The following FOXP1 variants were observed in gnomAD, a reference collection of about 807,000 sequenced individuals.
The protein encoded by FOXP1 is forkhead box P1, also known as forkhead box protein P1.
Under a neutral mutation model 98.2 loss-of-function variants are expected in FOXP1, and 15 were observed. The ratio of observed to expected loss-of-function variants is 0.15; its 90% CI spans 0.10 to 0.24. FOXP1 has a LOEUF of 0.24. FOXP1 is among the 10% of genes least tolerant of loss of function. The probability of loss-of-function intolerance (pLI) is 1.00; values close to 1 mark genes in which losing one functional copy is unlikely to be tolerated. For missense variants in FOXP1, 633 were observed against 848.5 expected, an observed-to-expected ratio of 0.75 and a Z score of 3.15; for synonymous variants, 371 against 314.5, an observed-to-expected ratio of 1.18 and a Z score of -1.90.
Position 71,413,727 on chromosome 3 carries a change from T to C in FOXP1, c.-167-54483A>G, listed in dbSNP as rs1425347873. On this transcript the variant is annotated intron_variant, in intron 3 of 20. Coordinates refer to ENST00000649528, the MANE Select transcript of FOXP1 (RefSeq NM_001349338.3). Reference sequence around the variant, plus strand: ...GAAAAAGACAAACTACCAAACAGCATGTACGGTATGACCTCATTTTGAAAA... The same window carrying C: ...GAAAAAGACAAACTACCAAACAGCACGTACGGTATGACCTCATTTTGAAAA... 3.3e-5 allele frequency among the ~76,000 whole-genome samples: 5 copies of C among 152,264 alleles called. No individual in the cohort carries two copies. In the East Asian group the frequency reaches 9.7e-4, roughly 29 times the overall value.
At chr3:71,490,263 C>T (rs931561309) in intron 3 of FOXP1, among the ~76,000 whole-genome samples, 1 of 152,008 alleles carries the variant, frequency 6.6e-6, no homozygotes, top group African/African-American at 2.4e-5. Context: ...TTGGGAGGCT[C>T]AGGTGGACAG....
chr3:71,014,109 C>T (rs2107725124), intron 12 of FOXP1, among the ~76,000 whole-genome samples: 1 of 152,236 alleles, frequency 6.6e-6, no homozygotes, highest in Non-Finnish European at 1.5e-5. Context: ...GACTTCATGA[C>T]TAAAACAGCA....
intron 5 of FOXP1, among the ~76,000 whole-genome samples, chr3:71,238,193 G>C (rs1560166819): frequency 6.6e-6 from 1 of 152,202 alleles, no homozygotes. Context: ...CAGTGAACAA[G>C]GGCTTTGCAG....
chr3:71,527,521 T>C (rs1222348793), intron 2 of FOXP1, among the ~76,000 whole-genome samples: 2 of 152,222 alleles, frequency 1.3e-5, no homozygotes, highest in East Asian at 3.8e-4. Flanking sequence ...GCTCAGATTA[T>C]GCTAAAAGCT....
intron 2 of FOXP1, among the ~76,000 whole-genome samples, chr3:71,506,643 G>C (rs1340648847): frequency 6.6e-6 from 1 of 152,242 alleles, no homozygotes; most frequent in Admixed American, 6.5e-5. Context: ...CCTAGGACAA[G>C]AGCAGGAAGC....
chr3:71,328,776 C>G (rs2076080830), intron 4 of FOXP1, among the ~76,000 whole-genome samples: 1 of 151,920 alleles, frequency 6.6e-6, no homozygotes, highest in Middle Eastern at 3.2e-3. Flanking sequence ...AGTTCAAGAC[C>G]AGCCTGACCA....
At chr3:71,092,196 A>G (rs1028092430) in intron 7 of FOXP1, among the ~76,000 whole-genome samples, 3 of 150,712 alleles carry the variant, frequency 2.0e-5, no homozygotes, top group African/African-American at 7.3e-5. Flanking sequence ...TCTCAGAAAA[A>G]AAACAAAAAA....
intron 5 of FOXP1, among the ~76,000 whole-genome samples, chr3:71,215,654 T>A (rs1247737339): frequency 4.8e-5 from 6 of 126,072 alleles, no homozygotes. Context: ...AATTCTCAGT[T>A]CAACTTAAAG....
At chr3:71,488,947 A>G (rs1337599473) in intron 3 of FOXP1, among the ~76,000 whole-genome samples, 1 of 152,244 alleles carries the variant, frequency 6.6e-6, no homozygotes, top group Non-Finnish European at 1.5e-5. Flanking sequence ...TTACTTTTCA[A>G]AGTCAAAATT....
At chr3:71,253,047 GCTAT>G (rs1184653955) in intron 5 of FOXP1, among the ~76,000 whole-genome samples, 1 of 152,190 alleles carries the variant, frequency 6.6e-6, no homozygotes, top group Non-Finnish European at 1.5e-5. Flanking sequence ...TCGCTTCATG[GCTAT>G]CTGTTTCCAG....
intron 6 of FOXP1, among the ~76,000 whole-genome samples, chr3:71,171,112 T>TA (rs2061632893): frequency 1.3e-5 from 2 of 151,588 alleles, no homozygotes; most frequent in Admixed American, 6.6e-5. Flanking sequence ...TTTTTTTTTT[T>TA]AATTTAAATA....
chr3:71,103,694 G>T (rs566225921), intron 7 of FOXP1, among the ~76,000 whole-genome samples: 2 of 152,104 alleles, frequency 1.3e-5, no homozygotes, highest in Non-Finnish European at 2.9e-5. Flanking sequence ...ATAGCAAGGT[G>T]GGGGGAGGGA....
intron 1 of FOXP1, chr3:71,582,705 A>T: frequency 1.0e-6 from 1 of 985,070 alleles, no homozygotes; most frequent in Non-Finnish European, 1.2e-6. Flanking sequence ...CCACCCGTGG[A>T]TCTGGCCACG....
chr3:71,412,088 T>C (rs7647195), intron 3 of FOXP1, among the ~76,000 whole-genome samples: 92,718 of 152,090 alleles, frequency 0.61, 30,240 homozygotes, highest in Non-Finnish European at 0.74. Flanking sequence ...CCTGCAGTCC[T>C]TGAAATGACC....
chr3:71,356,167 A>C (rs911987013), intron 4 of FOXP1, among the ~76,000 whole-genome samples: 3 of 148,818 alleles, frequency 2.0e-5, no homozygotes, highest in African/African-American at 7.4e-5. Flanking sequence ...ACTTGAAAGC[A>C]GTTAGTGAAT....
At chr3:70,993,973 C>T (rs957533885) in intron 13 of FOXP1, among the ~76,000 whole-genome samples, 2 of 149,220 alleles carry the variant, frequency 1.3e-5, no homozygotes, top group Non-Finnish European at 3.0e-5. Flanking sequence ...CCAGCCTGGG[C>T]AACAGAGCAA....
intron 6 of FOXP1, among the ~76,000 whole-genome samples, chr3:71,138,958 C>T (rs1188762285): frequency 2.0e-5 from 3 of 152,006 alleles, no homozygotes; most frequent in Non-Finnish European, 2.9e-5. Context: ...ACATACTTCA[C>T]CTAGAAATAT....
rs377442250 is a variant in FOXP1 at position 71,247,762 on chromosome 3, T to C, written c.-11-49370A>G. ...TCAGTCCTAATGGTTCACAGGAGGCTGATGCATCTCTCAGCTCCAGAGGGT... is the reference window on the plus strand; with the variant it reads ...TCAGTCCTAATGGTTCACAGGAGGCCGATGCATCTCTCAGCTCCAGAGGGT... On this transcript the variant is annotated intron_variant, in intron 5 of 20. Transcript: ENST00000649528. Among the ~76,000 whole-genome samples, 3 of 152,340 alleles carry C rather than the reference T, an allele frequency of 2.0e-5. No homozygotes were observed. In the East Asian group the frequency reaches 5.8e-4, roughly 29 times the overall value.
intron 3 of FOXP1, among the ~76,000 whole-genome samples, chr3:71,443,174 G>T (rs964329417): frequency 6.6e-6 from 1 of 152,154 alleles, no homozygotes; most frequent in Non-Finnish European, 1.5e-5. Context: ...AATCACAGGC[G>T]TGAGCCACCA....
Sources: gnomAD v4.1 joint callset for allele counts (sites outside exome capture counted in the v4.1 genomes callset) on GRCh38, gnomAD v4.1.1 for gene constraint, MANE v1.5 for transcripts, NCBI Gene and HGNC (gene_info 2026-07-23, HGNC 2026-07-21) for gene names.